Variants in CNTN6 observed in about 807,000 individuals in gnomAD.
The protein encoded by CNTN6 is contactin 6.
Under a neutral mutation model 122.8 loss-of-function variants are expected in CNTN6, and 137 were observed. The ratio of observed to expected loss-of-function variants is 1.12; its 90% CI spans 0.97 to 1.29. The LOEUF is 1.29. Among genes scored for constraint, CNTN6 ranks in the 50% most tolerant of loss-of-function variants. The pLI, the probability that CNTN6 is intolerant of heterozygous loss-of-function variation, is 0.00. For synonymous variants in CNTN6, 570 were observed against 426.0 expected (o/e 1.34, Z -4.16); for missense variants, 1,634 against 1,223.4 (o/e 1.34, Z -5.01).
At chr3:1,272,697 C>G (rs2095046314) in intron 4 of CNTN6, among the ~76,000 whole-genome samples, 1 of 152,118 alleles carries the variant, frequency 6.6e-6, no homozygotes, top group African/African-American at 2.4e-5. Flanking sequence ...AGCCTTCCTT[C>G]AAGCTTATGA....
intron 11 of CNTN6, among the ~76,000 whole-genome samples, chr3:1,341,220 G>T (rs1280013637): frequency 4.0e-5 from 6 of 151,086 alleles, no homozygotes; most frequent in African/African-American, 1.5e-4. Context: ...TTAAAGTCCT[G>T]CATTCACACA....
chr3:1,295,710 A>C lies in CNTN6; in HGVS notation c.564A>C (p.Pro188=). 6.2e-7 allele frequency: 1 copy of C among 1,614,124 alleles called. No individual in the cohort carries two copies. The change falls in exon 6 of 23, where the codon CCA becomes CCC. Residue 188 remains proline, a synonymous_variant. Transcript: ENST00000446702. ...ACTTGTACATTGCCAAAGTGGAACC[A>C]TCAGATGTGGGCAACTACACTTGCT... is the stretch of plus-strand genomic sequence containing the variant. The part of the protein sequence containing the change: ...TGNLYIAKVE[P]SDVGNYTCFI...
At chr3:1,373,208 T>C (rs748523332) in intron 14 of CNTN6, among the ~76,000 whole-genome samples, 3 of 152,144 alleles carry the variant, frequency 2.0e-5, no homozygotes, top group Non-Finnish European at 4.4e-5. Context: ...GCGGTGTCAG[T>C]AACTAAAACT....
chr3:1,252,549 CAACA>C (rs1327025787), intron 4 of CNTN6, among the ~76,000 whole-genome samples: 3 of 152,072 alleles, frequency 2.0e-5, no homozygotes, highest in African/African-American at 4.8e-5. Context: ...GGAAATAATA[CAACA>C]AACACTTTAA....
intron 4 of CNTN6, among the ~76,000 whole-genome samples, chr3:1,243,661 A>G (rs894901338): frequency 2.6e-5 from 4 of 152,164 alleles, no homozygotes; most frequent in Non-Finnish European, 5.9e-5. Flanking sequence ...TGGGATAAAG[A>G]AAAAGAAGCA....
At chr3:1,180,094 C>G (rs547291500) in intron 2 of CNTN6, among the ~76,000 whole-genome samples, 36 of 152,184 alleles carry the variant, frequency 2.4e-4, no homozygotes, top group Middle Eastern at 3.4e-3. Flanking sequence ...GGGCATAATA[C>G]TTTTTTATTC....
intron 4 of CNTN6, among the ~76,000 whole-genome samples, chr3:1,271,616 G>C (rs2095028810): frequency 6.6e-6 from 1 of 152,090 alleles, no homozygotes; most frequent in African/African-American, 2.4e-5. Context: ...ATGTAAGGGT[G>C]GAGATAAATC....
intron 22 of CNTN6, 109 bp downstream of exon 22, chr3:1,402,595 T>C: frequency 2.2e-6 from 2 of 926,382 alleles, no homozygotes; most frequent in Non-Finnish European, 3.1e-6. Flanking sequence ...GGTGATAAGA[T>C]AAATTTTCAA....
Position 1,155,262 on chromosome 3 carries a change from G to T in CNTN6, c.55+7199G>T, listed in dbSNP as rs2092937424. 2.0e-5 allele frequency among the ~76,000 whole-genome samples: 3 copies of T among 152,276 alleles called. No individual in the cohort carries two copies. The South Asian group carries it at 6.2e-4, about 32-fold the overall frequency. On this transcript the variant is annotated intron_variant, in intron 2 of 22. Transcript: ENST00000446702. ...TAAAATATTGTGAGTCGTATAAGTG[G>T]CTGCATCACTGATGCCTAGTACAGT...
intron 4 of CNTN6, among the ~76,000 whole-genome samples, chr3:1,247,180 A>G (rs2094594202): frequency 6.6e-6 from 1 of 151,528 alleles, no homozygotes; most frequent in African/African-American, 2.4e-5. Flanking sequence ...TTATTTATTC[A>G]TTTATTTTCA....
intron 17 of CNTN6, among the ~76,000 whole-genome samples, 181 bp from the exon 18 acceptor site, chr3:1,382,761 T>G (rs983758307): frequency 3.0e-4 from 45 of 152,330 alleles, no homozygotes; most frequent in African/African-American, 1.0e-3. Context: ...TCTGAGTATC[T>G]TTAACTGGGA....
chr3:1,381,331 G>T (rs1310099123), intron 17 of CNTN6, among the ~76,000 whole-genome samples: 1 of 150,218 alleles, frequency 6.7e-6, no homozygotes, highest in Admixed American at 6.7e-5. Flanking sequence ...ATACTTTGTT[G>T]TTTCCCCAGA....
At chr3:1,289,751 T>G (rs1694980289) in intron 5 of CNTN6, among the ~76,000 whole-genome samples, 1 of 149,946 alleles carries the variant, frequency 6.7e-6, no homozygotes, top group Non-Finnish European at 1.5e-5. Context: ...CTCAGCTCAC[T>G]GCAAACTCCA....
At chr3:1,208,657 C>G (rs974314923) in intron 2 of CNTN6, among the ~76,000 whole-genome samples, 1 of 152,074 alleles carries the variant, frequency 6.6e-6, no homozygotes, top group African/African-American at 2.4e-5. Flanking sequence ...TTTGCCTAGA[C>G]TCAAAATTGA....
At chr3:1,317,204 A>G (rs1700207278) in intron 7 of CNTN6, among the ~76,000 whole-genome samples, 2 of 151,816 alleles carry the variant, frequency 1.3e-5, no homozygotes, top group Non-Finnish European at 2.9e-5. Flanking sequence ...CTTATTTAAA[A>G]GGTTTTTATC....
intron 6 of CNTN6, 129 bp from the exon 7 acceptor site, chr3:1,297,760 A>G (rs1428348976): frequency 1.4e-6 from 1 of 723,928 alleles, no homozygotes; most frequent in Non-Finnish European, 2.3e-6. Flanking sequence ...ATCTATATGT[A>G]TCCAATTCTT....
At chr3:1,308,914 T>G (rs1698795017) in intron 7 of CNTN6, among the ~76,000 whole-genome samples, 1 of 152,212 alleles carries the variant, frequency 6.6e-6, no homozygotes, top group South Asian at 2.1e-4. Context: ...ATGTGATTAT[T>G]TGCTATCTAT....
At chr3:1,158,953 T>C (rs12107220) in intron 2 of CNTN6, among the ~76,000 whole-genome samples, 3,175 of 101,580 alleles carry the variant, frequency 0.031, 333 homozygotes, top group South Asian at 0.1. Flanking sequence ...TATATATATA[T>C]ACACACACAC....
At chr3:1,285,529 T>G (rs1440133083) in intron 5 of CNTN6, among the ~76,000 whole-genome samples, 1 of 152,210 alleles carries the variant, frequency 6.6e-6, no homozygotes, top group Admixed American at 6.5e-5. Context: ...CATAATTGGA[T>G]AAGATAATGA....
Sources: allele counts gnomAD v4.1 joint callset (sites outside exome capture counted in the v4.1 genomes callset), GRCh38; gene constraint gnomAD v4.1.1; transcripts MANE v1.5; gene names NCBI Gene and HGNC (gene_info 2026-07-23, HGNC 2026-07-21).